RICTOR: variants seen among roughly 807,000 people sequenced by gnomAD.
RICTOR encodes rapamycin-insensitive companion of mTOR.
A neutral mutation model predicts 214.9 loss-of-function variants in RICTOR; 49 were observed. The observed-to-expected ratio is 0.23, with a 90% confidence interval of 0.18 to 0.29. The LOEUF (loss-of-function observed/expected upper bound fraction) is 0.29, where lower values mean the gene tolerates loss of function less well. Ranked by LOEUF, RICTOR falls within the 10% of genes least tolerant of loss-of-function variation. RICTOR has a pLI of 1.00. For missense variants in RICTOR, 1,625 were observed against 2,047.0 expected (o/e 0.79, Z 3.98); for synonymous variants, 717 against 711.3 (o/e 1.01, Z -0.13).
rs2112845489 is a variant in RICTOR, at chr5:38,949,793, G to T, written c.4055C>A (p.Ala1352Glu). Residue 1352 changes from alanine to glutamate, a missense_variant, in exon 31 of 38, where the codon GCA (alanine) becomes GAA (glutamate). Physicochemically the swap from Ala to Glu is moderately radical, Grantham distance 107 (BLOSUM62 -1). Around this residue, in one of 5 missense-constraint regions of RICTOR, gnomAD observed 1,214 missense variants for 1,470.5 expected, o/e 0.83. Transcript: ENST00000357387. ...AAATAGCACATCTTTTGCTGGAGATGCCAAAGCTTCAGAGTGAGATAAGGA... is the reference window on the plus strand; with the variant it reads ...AAATAGCACATCTTTTGCTGGAGATTCCAAAGCTTCAGAGTGAGATAAGGA... Reference protein sequence around the residue: ...HPSLSHSEALASPAKDVLFTD... With the variant: ...HPSLSHSEALESPAKDVLFTD... 1.2e-6 allele frequency: 2 copies of T among 1,613,414 alleles called. No homozygotes were observed. The highest frequency in any genetic ancestry group is 1.7e-6 in the Non-Finnish European group (2 of 1,179,496).
chr5:39,051,959 T>C (rs1023635931), intron 2 of RICTOR, among the ~76,000 whole-genome samples: 1 of 152,236 alleles, frequency 6.6e-6, no homozygotes, highest in Non-Finnish European at 1.5e-5. Flanking sequence ...ATGCATTCAA[T>C]AGAAACCATA....
intron 2 of RICTOR, among the ~76,000 whole-genome samples, chr5:39,039,223 C>G (rs1279516189): frequency 6.6e-6 from 1 of 152,228 alleles, no homozygotes; most frequent in East Asian, 1.9e-4. Context: ...GGAAAGGATT[C>G]CCTATTTAAT....
At position 38,955,590 on chromosome 5, in the gene RICTOR, C is replaced by T. The variant is rs370454003; in HGVS notation, c.2609+5G>A. ...TAGTTTTAAATCTGATAACTGGGTA[C>T]GCACCTTTGGTTACTCCGACGAACA... is the stretch of plus-strand genomic sequence containing the variant. On this transcript the variant is annotated splice_donor_5th_base_variant and intron_variant, in intron 26 of 37. Coordinates refer to ENST00000357387, the MANE Select transcript of RICTOR (RefSeq NM_152756.5). 1.8e-5 allele frequency: 26 copies of T among 1,481,068 alleles called. No homozygotes were observed. The highest frequency in any genetic ancestry group is 7.9e-5 in the South Asian group (7 of 88,056). The allele number at this position is 1,481,068 out of a possible 1,614,324, so 91.7% of individuals were successfully genotyped here.
At chr5:39,055,426 C>A (rs1561070214) in intron 2 of RICTOR, among the ~76,000 whole-genome samples, 3 of 129,338 alleles carry the variant, frequency 2.3e-5, no homozygotes, top group East Asian at 2.6e-4. Context: ...TTCCCCCCCC[C>A]CACTCTTTTT....
At position 38,960,451 on chromosome 5, in the gene RICTOR, G is replaced by GT; in HGVS notation, c.1797dup (p.Gln600ThrfsTer15). ...AACTGGCAACCTACAACCGTGAGCTGTTTGGCCTTGGCAAAATCCAGATCC... is the reference window on the plus strand; with the variant it reads ...AACTGGCAACCTACAACCGTGAGCTGTTTTGGCCTTGGCAAAATCCAGATCC... On this transcript the variant is annotated frameshift_variant, in exon 20 of 38. Transcript: ENST00000357387. LOFTEE classifies it high-confidence loss of function. The GT allele has an allele frequency of 6.2e-7, 1 of 1,613,866 alleles. No individual in the cohort carries two copies. The highest frequency in any genetic ancestry group is 8.5e-7 in the Non-Finnish European group (1 of 1,179,786).
chr5:39,054,825 G>A (rs1183416868), intron 2 of RICTOR, among the ~76,000 whole-genome samples: 1 of 152,100 alleles, frequency 6.6e-6, no homozygotes, highest in Non-Finnish European at 1.5e-5. Context: ...TAGTAATCAG[G>A]CATTACTTGA....
At chr5:39,005,960 C>T (rs73751834) in intron 3 of RICTOR, among the ~76,000 whole-genome samples, 1 of 152,202 alleles carries the variant, frequency 6.6e-6, no homozygotes, top group Non-Finnish European at 1.5e-5. Flanking sequence ...AGATTTTCTA[C>T]TTAGGTTTTA....
chr5:38,993,008 G>A (rs1387368895), intron 6 of RICTOR, among the ~76,000 whole-genome samples: 1 of 152,184 alleles, frequency 6.6e-6, no homozygotes, highest in Non-Finnish European at 1.5e-5. Flanking sequence ...GGCTGAAAAT[G>A]AAGAGTAGGA....
At position 38,946,169 on chromosome 5, in the gene RICTOR, CTA is replaced by C. The variant is rs199976530; in HGVS notation, c.4399+297_4399+298del. ...CTAAACAAACAGCTATTTCCTGGAT[CTA>C]TGAGGATTAGTGTTATACATTGTTC... On this transcript the variant is annotated intron_variant, in intron 33 of 37. Coordinates refer to ENST00000357387, the MANE Select transcript of RICTOR (RefSeq NM_152756.5). Among the ~76,000 whole-genome samples, 54 of 152,262 alleles carry C rather than the reference CTA, an allele frequency of 3.5e-4. 1 individual carries two copies. The East Asian group carries it at 9.8e-3, about 28-fold the overall frequency.
chr5:39,037,552 A>G (rs1298292172), intron 2 of RICTOR, among the ~76,000 whole-genome samples: 1 of 152,200 alleles, frequency 6.6e-6, no homozygotes, highest in Non-Finnish European at 1.5e-5. Flanking sequence ...AAAGATCAAC[A>G]AAATTGATAG....
Position 38,942,843 on chromosome 5 carries a change from T to C in RICTOR, c.5042A>G (p.Gln1681Arg). Residue 1681 changes from glutamine to arginine, a missense_variant, in exon 37 of 38, where the codon CAG (glutamine) becomes CGG (arginine). Transcript: ENST00000357387. The stretch of plus-strand genomic sequence containing the variant: ...ACTAATCATACTTACTTGTAGAAAC[T>C]GTACATCTTGAAATAATTCTTGTAT... ...RFIQELFQDV[Q>R]FLQMHEEAEA... is the part of the protein sequence containing the mutation. 1 of 1,607,682 alleles carries C rather than the reference T, an allele frequency of 6.2e-7. No individual in the cohort carries two copies.
At chr5:39,058,939 A>C (rs1226815153) in intron 2 of RICTOR, among the ~76,000 whole-genome samples, 2 of 152,174 alleles carry the variant, frequency 1.3e-5, no homozygotes, top group African/African-American at 4.8e-5. Flanking sequence ...ACATATTATT[A>C]ACTGGCCAAA....
At chr5:38,958,272 G>C (rs1749479200) in intron 24 of RICTOR, among the ~76,000 whole-genome samples, 171 bp downstream of exon 24, 1 of 150,654 alleles carries the variant, frequency 6.6e-6, no homozygotes, top group Non-Finnish European at 1.5e-5. Flanking sequence ...AGTATGAACA[G>C]ACCAAAAAAA....
At position 38,976,092 on chromosome 5, in the gene RICTOR, C is replaced by T. The variant is rs1751209427; in HGVS notation, c.822-488G>A. On this transcript the variant is annotated intron_variant, in intron 9 of 37. Coordinates refer to ENST00000357387, the MANE Select transcript of RICTOR (RefSeq NM_152756.5). ...AATAACTACATATTAACATCACCAG[C>T]TACTTTCTTCCTTGACAATTATGTA... is the stretch of plus-strand genomic sequence containing the variant. Among the ~76,000 whole-genome samples the T allele has an allele frequency of 1.3e-5, 2 of 152,146 alleles. 1 individual carries two copies.
intron 34 of RICTOR, 66 bp from the exon 35 acceptor site, chr5:38,945,134 A>G (rs1748044561): frequency 9.1e-7 from 1 of 1,101,472 alleles, no homozygotes; most frequent in East Asian, 2.5e-5. Context: ...CTTACATTGC[A>G]TGCTAAAAAG....
chr5:38,947,741 C>A (rs1748361519), intron 31 of RICTOR, among the ~76,000 whole-genome samples: 1 of 152,100 alleles, frequency 6.6e-6, no homozygotes, highest in South Asian at 2.1e-4. Context: ...AAAAAAGAAA[C>A]TGACCTCAGT....
At chr5:39,069,545 A>G (rs2150220731) in intron 2 of RICTOR, among the ~76,000 whole-genome samples, 1 of 152,324 alleles carries the variant, frequency 6.6e-6, no homozygotes, top group East Asian at 1.9e-4. Context: ...CTGGGCAGAC[A>G]ATTGAGGAAT....
At chr5:38,949,371 G>T (rs777977977) in intron 31 of RICTOR, 1 of 1,585,090 alleles carries the variant, frequency 6.3e-7, no homozygotes, top group South Asian at 1.1e-5. Flanking sequence ...AAGGTTGTTT[G>T]TTATTGTAGG....
At chr5:39,012,270 C>A (rs903505295) in intron 3 of RICTOR, among the ~76,000 whole-genome samples, 1 of 152,098 alleles carries the variant, frequency 6.6e-6, no homozygotes, top group African/African-American at 2.4e-5. Flanking sequence ...GCTGCCTTCC[C>A]CCTTCACTCA....
Sources: allele counts gnomAD v4.1 joint callset (sites outside exome capture counted in the v4.1 genomes callset), GRCh38; gene constraint gnomAD v4.1.1; regional missense constraint gnomAD v4.1.1; transcripts MANE v1.5; gene names NCBI Gene and HGNC (gene_info 2026-07-23, HGNC 2026-07-21).